The following CHRNA3 variants were observed in gnomAD, a reference collection of about 807,000 sequenced individuals.
CHRNA3 encodes neuronal acetylcholine receptor subunit alpha-3.
Under a neutral mutation model 41.9 loss-of-function variants are expected in CHRNA3, and 34 were observed. The observed-to-expected ratio is 0.81, with a 90% CI of 0.62 to 1.08. CHRNA3 has a LOEUF of 1.08. Among genes scored for constraint, CHRNA3 ranks in the 50% least tolerant of loss-of-function variants. CHRNA3 has a pLI of 0.00. For missense variants in CHRNA3, 542 were observed against 638.3 expected (o/e 0.85, Z 1.63); for synonymous variants, 281 against 265.2 (o/e 1.06, Z -0.58).
chr15:78,602,200 T>G lies in CHRNA3; in HGVS notation c.442A>C (p.Thr148Pro). The change falls in exon 5 of 6, where the codon ACT becomes CCT. Residue 148 changes from threonine (T) to proline (P), a missense_variant. By Grantham distance (38) the Thr-to-Pro change is conservative. Coordinates refer to ENST00000326828, the MANE Select transcript of CHRNA3 (RefSeq NM_000743.5). ...KALLKYTGEV[T>P]WIPPAIFKSS... is the part of the protein sequence containing the mutation. ...TTAAAGATGGCCGGAGGTATCCAAGTCACCTCCCCAGTGTACTTGAGTAAG... is the reference window on the plus strand; with the variant it reads ...TTAAAGATGGCCGGAGGTATCCAAGGCACCTCCCCAGTGTACTTGAGTAAG... The G allele has an allele frequency of 6.2e-7, 1 of 1,614,068 alleles. No individual in the cohort carries two copies. The highest frequency in any genetic ancestry group is 8.5e-7 in the Non-Finnish European group (1 of 1,179,998).
chr15:78,615,065 G>A (rs1041357401), intron 4 of CHRNA3, among the ~76,000 whole-genome samples: 3 of 152,162 alleles, frequency 2.0e-5, no homozygotes, highest in African/African-American at 4.8e-5. Context: ...AGCTTCTCTC[G>A]ATGGCAGGAG....
chr15:78,593,143 T>G (rs776726741), downstream of CHRNA3: 27 of 1,613,776 alleles, frequency 1.7e-5, no homozygotes, highest in East Asian at 2.2e-5. Context: ...GATGTTTCTG[T>G]GGACTTTTCT....
intron 4 of CHRNA3, among the ~76,000 whole-genome samples, chr15:78,607,093 G>C (rs1230976992): frequency 6.6e-6 from 1 of 151,810 alleles, no homozygotes; most frequent in Non-Finnish European, 1.5e-5. Flanking sequence ...GCTGGGCATG[G>C]TGGCACACAC....
At chr15:78,608,035 T>C (rs2053322809) in intron 4 of CHRNA3, among the ~76,000 whole-genome samples, 1 of 152,182 alleles carries the variant, frequency 6.6e-6, no homozygotes, top group African/African-American at 2.4e-5. Flanking sequence ...GCGCCTGCCA[T>C]TGCCCAGCCT....
chr15:78,614,208 A>C (rs1396230403), intron 4 of CHRNA3, among the ~76,000 whole-genome samples: 1 of 152,218 alleles, frequency 6.6e-6, no homozygotes. Context: ...CCAGCAAGGA[A>C]ATGGCTATAA....
chr15:78,602,310 T>G (rs752904922), intron 4 of CHRNA3, 46 bp from the exon 5 acceptor site: 2 of 1,567,520 alleles, frequency 1.3e-6, no homozygotes, highest in Non-Finnish European at 1.7e-6. Flanking sequence ...TCATTAACAC[T>G]TGGTCATATT....
At chr15:78,593,195 TTATTTA>T, downstream of CHRNA3, 2 of 1,613,750 alleles carry the variant, frequency 1.2e-6, no homozygotes, top group Non-Finnish European at 1.7e-6. Context: ...TTTGTTCCTG[TTATTTA>T]TAAATGGGCA....
At chr15:78,603,727 A>G (rs542723361) in intron 4 of CHRNA3, among the ~76,000 whole-genome samples, 1 of 152,236 alleles carries the variant, frequency 6.6e-6, no homozygotes, top group South Asian at 2.1e-4. Flanking sequence ...ATCATTACCC[A>G]TGAAGGCTCA....
chr15:78,611,739 G>A (rs138450988), intron 4 of CHRNA3, among the ~76,000 whole-genome samples: 2,241 of 151,642 alleles, frequency 0.015, 61 homozygotes, highest in African/African-American at 0.05. Flanking sequence ...GGCAGGAGAA[G>A]GAAATAAAGG....
At chr15:78,606,282 T>C (rs1353619380) in intron 4 of CHRNA3, among the ~76,000 whole-genome samples, 1 of 147,380 alleles carries the variant, frequency 6.8e-6, no homozygotes, top group Admixed American at 6.9e-5. Flanking sequence ...GCCAAGATCA[T>C]GCCATTGCAC....
At chr15:78,613,055 A>T (rs2053404989) in intron 4 of CHRNA3, among the ~76,000 whole-genome samples, 1 of 152,242 alleles carries the variant, frequency 6.6e-6, no homozygotes, top group African/African-American at 2.4e-5. Context: ...GCGATCATTA[A>T]AAGGTCAGGA....
chr15:78,619,023 G>A (rs2053510145), intron 1 of CHRNA3, 108 bp from the exon 2 acceptor site: 1 of 1,288,014 alleles, frequency 7.8e-7, no homozygotes, highest in Non-Finnish European at 1.1e-6. Flanking sequence ...CCTGTGGGGG[G>A]ATTCTGTGGA....
intron 4 of CHRNA3, among the ~76,000 whole-genome samples, chr15:78,609,246 CGA>C (rs2053345517): frequency 6.6e-6 from 1 of 151,908 alleles, no homozygotes; most frequent in Non-Finnish European, 1.5e-5. Flanking sequence ...AGATACTCCT[CGA>C]GAAGAGCAAC....
At chr15:78,610,391 C>A (rs2053363748) in intron 4 of CHRNA3, among the ~76,000 whole-genome samples, 1 of 152,162 alleles carries the variant, frequency 6.6e-6, no homozygotes, top group Non-Finnish European at 1.5e-5. Context: ...GACCACAGTG[C>A]AATCAAACTA....
intron 4 of CHRNA3, among the ~76,000 whole-genome samples, chr15:78,611,738 A>T (rs1410115504): frequency 6.6e-6 from 1 of 151,842 alleles, no homozygotes; most frequent in Non-Finnish European, 1.5e-5. Flanking sequence ...AGGCAGGAGA[A>T]GGAAATAAAG....
chr15:78,611,884 A>C (rs2141338478), intron 4 of CHRNA3, among the ~76,000 whole-genome samples: 1 of 152,262 alleles, frequency 6.6e-6, no homozygotes, highest in East Asian at 1.9e-4. Context: ...TCAGGATACA[A>C]AATCAATGTA....
At chr15:78,616,349 T>TC (rs2053460568) in intron 4 of CHRNA3, among the ~76,000 whole-genome samples, 2 of 130,952 alleles carry the variant, frequency 1.5e-5, no homozygotes, top group African/African-American at 6.1e-5. Context: ...AGACTCAGTC[T>TC]TCCCCCCCCC....
chr15:78,595,233 GTTAC>G (rs1234516445), downstream of CHRNA3: 6 of 944,032 alleles, frequency 6.4e-6, no homozygotes, highest in Non-Finnish European at 6.3e-6. Flanking sequence ...TACCATTACT[GTTAC>G]TTATGATTTT....
chr15:78,603,607 G>T (rs1457097097), intron 4 of CHRNA3, among the ~76,000 whole-genome samples: 1 of 152,168 alleles, frequency 6.6e-6, no homozygotes, highest in Non-Finnish European at 1.5e-5. Flanking sequence ...AACATTTAGG[G>T]ATATCCTTGT....
Sources: allele counts gnomAD v4.1 joint callset (sites outside exome capture counted in the v4.1 genomes callset), GRCh38; gene constraint gnomAD v4.1.1; transcripts MANE v1.5; gene names NCBI Gene and HGNC (gene_info 2026-07-23, HGNC 2026-07-21).